CCDC66: variants seen among roughly 807,000 people sequenced by gnomAD.
The protein encoded by CCDC66 is coiled-coil domain-containing protein 66.
Under a neutral mutation model 128.3 loss-of-function variants are expected in CCDC66, and 133 were observed. The ratio of observed to expected loss-of-function variants is 1.04; its 90% CI spans 0.90 to 1.20. CCDC66 has a LOEUF of 1.20. Among genes scored for constraint, CCDC66 ranks in the 50% most tolerant of loss-of-function variants. The probability of loss-of-function intolerance (pLI) is 0.00; values close to 1 mark genes in which losing one functional copy is unlikely to be tolerated. For missense variants in CCDC66, 1,126 were observed against 1,075.5 expected (o/e 1.05, Z -0.66); for synonymous variants, 387 against 357.0 (o/e 1.08, Z -0.95).
In CCDC66 at chr3:56,617,453, G is replaced by GA. The variant is rs751932069; in HGVS notation, c.2193dup (p.Val732SerfsTer15). 40 of 1,612,864 alleles carry GA rather than the reference G, an allele frequency of 2.5e-5. No homozygotes were observed. The highest frequency in any genetic ancestry group is 3.2e-5 in the Non-Finnish European group (38 of 1,179,648). On this transcript the variant is annotated frameshift_variant, in exon 14 of 18. Transcript: ENST00000394672. LOFTEE classifies it high-confidence loss of function. ...TAAACAGCTTCAAAAGCAGAGAGAA[G>GA]AAAAAAAAGTAAGGAGGCAGATGGA...
chr3:56,621,411 TG>T, intron 17 of CCDC66, 120 bp from the exon 18 acceptor site: 1 of 640,254 alleles, frequency 1.6e-6, no homozygotes, highest in Non-Finnish European at 2.6e-6. Context: ...AAAAAATTTT[TG>T]AATGACAAAA....
At chr3:56,557,340 G>A in intron 1 of CCDC66, 87 bp downstream of exon 1, 1 of 1,506,214 alleles carries the variant, frequency 6.6e-7, no homozygotes, top group Non-Finnish European at 9.0e-7. Context: ...TTGTCCCTTG[G>A]AGTCTTTACT....
chr3:56,616,346 T>A (rs2075507370), intron 13 of CCDC66: 2 of 278,914 alleles, frequency 7.2e-6, no homozygotes, highest in African/African-American at 4.7e-5. Flanking sequence ...TCTATTTCTC[T>A]TTTCTCCTCC....
At position 56,557,254 on chromosome 3, in the gene CCDC66, G is replaced by GTAAGCAGGGT. The variant is rs762631352; in HGVS notation, c.11+10_11+11insTTAAGCAGGG. 480 of 1,548,808 alleles carry GTAAGCAGGGT rather than the reference G, an allele frequency of 3.1e-4. 1 individual carries two copies. The highest frequency in any genetic ancestry group is 7.9e-4 in the Admixed American group (40 of 50,704). ...TGCGAGGTCAGGCCATGAACTTGGG[G>GTAAGCAGGGT]TAAGCAGGGGTAAGCTGGGGTAAGC... On this transcript the variant is annotated splice_donor_variant, in intron 1 of 17. Coordinates refer to ENST00000394672, the MANE Select transcript of CCDC66 (RefSeq NM_001141947.3). LOFTEE classifies it high-confidence loss of function.
At chr3:56,613,552 A>G (rs1346681404) in intron 10 of CCDC66, 37 bp from the exon 11 acceptor site, 3 of 1,595,630 alleles carry the variant, frequency 1.9e-6, no homozygotes, top group East Asian at 2.2e-5. Context: ...TTAGATTTTT[A>G]TTTTTGACAA....
chr3:56,601,689 G>A (rs188952391), intron 10 of CCDC66, among the ~76,000 whole-genome samples: 181 of 151,902 alleles, frequency 1.2e-3, no homozygotes, highest in Middle Eastern at 3.4e-3. Flanking sequence ...GGTCCTTCAC[G>A]TCCCTTGTAA....
chr3:56,619,541 A>AAGCATTATAACTGTAAAAATTG lies in CCDC66; in HGVS notation c.2635+20_2635+21insATAACTGTAAAAATTGAGCATT, dbSNP rs760318751. On this transcript the variant is annotated intron_variant, in intron 16 of 17. Coordinates refer to ENST00000394672, the MANE Select transcript of CCDC66 (RefSeq NM_001141947.3). ...AAAATTCACAAGGTAAGTAAATATT[A>AAGCATTATAACTGTAAAAATTG]AGCATTCTAACTGTAAAAATTGAAG... The AAGCATTATAACTGTAAAAATTG allele has an allele frequency of 6.3e-7, 1 of 1,589,154 alleles. No individual in the cohort carries two copies. The highest frequency in any genetic ancestry group is 1.2e-5 in the South Asian group (1 of 86,754).
Position 56,567,060 on chromosome 3 carries a change from A to T in CCDC66, c.814+7A>T. 2.5e-6 allele frequency: 4 copies of T among 1,592,398 alleles called. No homozygotes were observed. The highest frequency in any genetic ancestry group is 2.6e-6 in the Non-Finnish European group (3 of 1,160,450). On this transcript the variant is annotated splice_region_variant and intron_variant, in intron 6 of 17. Coordinates refer to ENST00000394672, the MANE Select transcript of CCDC66 (RefSeq NM_001141947.3). ...CAGTGGAGGAAAGAGCTAGGTAGGT[A>T]ACTTTTATACCTTTATTATAGTTTT...
intron 1 of CCDC66, chr3:56,558,632 TAGTATTGAAG>T: frequency 1.8e-6 from 1 of 556,016 alleles, no homozygotes; most frequent in Non-Finnish European, 3.2e-6. Context: ...ACAATGCTTG[TAGTATTGAAG>T]AGTTTCAAGA....
At chr3:56,572,397 A>G in intron 7 of CCDC66, 1 of 1,289,466 alleles carries the variant, frequency 7.8e-7, no homozygotes, top group Non-Finnish European at 1.0e-6. Flanking sequence ...CTGATGGGGC[A>G]TTCACAACTT....
rs780099711 is a variant in CCDC66 at position 56,615,142 on chromosome 3, C to G, written c.1581C>G (p.Leu527=). Residue 527 remains leucine, a synonymous_variant, in exon 12 of 18, where the codon CTC becomes CTG. Transcript: ENST00000394672. ...AATATTGACAGGAAATCATGACTCT[C>G]AAGACAAATGAGCTATTCCAGACAA... ...KQKQKEEIMT[L]KTNELFQTMQ... 2 of 1,613,308 alleles carry G rather than the reference C, an allele frequency of 1.2e-6. No homozygotes were observed. The highest frequency in any genetic ancestry group is 1.1e-5 in the South Asian group (1 of 90,930).
intron 3 of CCDC66, chr3:56,560,928 A>T (rs1402268273): frequency 2.2e-6 from 1 of 456,564 alleles, no homozygotes. Context: ...TTATCCTTCA[A>T]CTCTAAGCCC....
Position 56,619,264 on chromosome 3 carries a change from T to G in CCDC66, c.2379-7T>G. On this transcript the variant is annotated splice_region_variant and splice_polypyrimidine_tract_variant and intron_variant, in intron 15 of 17. Coordinates refer to ENST00000394672, the MANE Select transcript of CCDC66 (RefSeq NM_001141947.3). ...ACACAATTTTTTACTATTTTTTTTT[T>G]AAATAGGTCTCCATCATCACCAGTT... 5.8e-6 allele frequency: 9 copies of G among 1,554,472 alleles called. No individual in the cohort carries two copies. The highest frequency in any genetic ancestry group is 1.4e-5 in the African/African-American group (1 of 71,846).
chr3:56,615,706 A>C (rs921859286), intron 12 of CCDC66, among the ~76,000 whole-genome samples: 1 of 152,204 alleles, frequency 6.6e-6, no homozygotes, highest in African/African-American at 2.4e-5. Context: ...TAATAGGTAA[A>C]ATGTGTACTT....
At position 56,593,942 on chromosome 3, in the gene CCDC66, A is replaced by C. The variant is rs368936254; in HGVS notation, c.1320-2A>C. ...GAATAGCTAATGTATGTATCTTGCC[A>C]GCTTTCTCCGTTCTATGACTGCTCT... On this transcript the variant is annotated splice_acceptor_variant, in intron 9 of 17. Coordinates refer to ENST00000394672, the MANE Select transcript of CCDC66 (RefSeq NM_001141947.3). LOFTEE classifies it high-confidence loss of function. The C allele has an allele frequency of 1.9e-5, 31 of 1,614,132 alleles. No individual in the cohort carries two copies. Among genetic ancestry groups the C allele is most frequent in the Non-Finnish European group, 2.5e-5 (30 of 1,179,982 alleles).
At chr3:56,562,258 C>T (rs143765852) in intron 3 of CCDC66, among the ~76,000 whole-genome samples, 2 of 151,998 alleles carry the variant, frequency 1.3e-5, no homozygotes, top group African/African-American at 2.4e-5. Context: ...CTGTGTTGCC[C>T]AGGCTTGTCT....
At chr3:56,617,892 G>A in intron 14 of CCDC66, 1 of 565,408 alleles carries the variant, frequency 1.8e-6, no homozygotes, top group African/African-American at 1.9e-5. Flanking sequence ...TGCTTATCGA[G>A]TCCTTTACAC....
At chr3:56,614,567 A>G (rs1202784229) in intron 11 of CCDC66, among the ~76,000 whole-genome samples, 2 of 152,210 alleles carry the variant, frequency 1.3e-5, no homozygotes, top group Non-Finnish European at 2.9e-5. Context: ...ATAGGTATGT[A>G]TGGTGGTGGT....
rs370241501 is a variant in CCDC66, at chr3:56,593,097, CA to C, written c.1067del (p.Lys356ArgfsTer15). ...AAAATAGAGGAAAAAATTATATATTCAAAGGTAACTTATGAGGTTTTGTGGC... is the reference window on the plus strand; with the variant it reads ...AAAATAGAGGAAAAAATTATATATTCAAGGTAACTTATGAGGTTTTGTGGC... ...QRKIEEKIIYSKGEEHDRWAM... is the reference protein window; with the variant it reads ...QRKIEEKIIYXKGEEHDRWAM... On this transcript the variant is annotated frameshift_variant, in exon 8 of 18. Transcript: ENST00000394672. LOFTEE classifies it high-confidence loss of function. 301 of 1,585,608 alleles carry C rather than the reference CA, an allele frequency of 1.9e-4. 1 individual carries two copies. The East Asian group carries it at 6.1e-3, about 32-fold the overall frequency.
Sources: gnomAD v4.1 joint callset for allele counts (sites outside exome capture counted in the v4.1 genomes callset) on GRCh38, gnomAD v4.1.1 for gene constraint, MANE v1.5 for transcripts, NCBI Gene and HGNC (gene_info 2026-07-23, HGNC 2026-07-21) for gene names.